The following TENM1 variants were observed in gnomAD, a reference collection of about 807,000 sequenced individuals.
TENM1 encodes teneurin transmembrane protein 1.
A neutral mutation model predicts 174.8 loss-of-function variants in TENM1; 35 were observed. The observed-to-expected ratio is 0.20, with a 90% confidence interval of 0.15 to 0.27. The LOEUF (loss-of-function observed/expected upper bound fraction) is 0.27, where lower values mean the gene tolerates loss of function less well. Among genes scored for constraint, TENM1 ranks in the 10% least tolerant of loss-of-function variants. TENM1 has a pLI of 1.00. For missense variants in TENM1, 1,633 were observed against 2,130.1 expected (o/e 0.77, Z 4.59); for synonymous variants, 781 against 798.7 (o/e 0.98, Z 0.37).
At chrX:124,910,127 G>T (rs770261945) in intron 1 of TENM1, among the ~76,000 whole-genome samples, 1 of 112,129 alleles carries the variant, frequency 8.9e-6, no homozygotes, top group African/African-American at 3.2e-5. Flanking sequence ...TTAGATAAAG[G>T]CATGCTTCTC....
chrX:124,909,587 G>A (rs2057804242), intron 1 of TENM1, among the ~76,000 whole-genome samples: 1 of 111,967 alleles, frequency 8.9e-6, no homozygotes, highest in Non-Finnish European at 1.9e-5. Flanking sequence ...TCCTTTTGAA[G>A]TATTATTCCA....
At chrX:124,780,193 A>T (rs1429033046) in intron 3 of TENM1, among the ~76,000 whole-genome samples, 2 of 112,315 alleles carry the variant, frequency 1.8e-5, no homozygotes, top group African/African-American at 6.5e-5. Flanking sequence ...CTCCTTGCCC[A>T]AGCACTCATT....
chrX:125,157,729 AG>A, the TENM1 span, among the ~76,000 whole-genome samples: 1 of 112,266 alleles, frequency 8.9e-6, no homozygotes, highest in Non-Finnish European at 1.9e-5. Flanking sequence ...GGTATAAAAA[AG>A]CATTCCTATT....
chrX:124,865,364 C>T (rs2056983171), intron 3 of TENM1, among the ~76,000 whole-genome samples: 1 of 111,455 alleles, frequency 9.0e-6, no homozygotes, highest in Non-Finnish European at 1.9e-5. Context: ...AGTTAAAAAG[C>T]AGAGGAACAA....
At chrX:124,788,032 A>C (rs1020464058) in intron 3 of TENM1, among the ~76,000 whole-genome samples, 1 of 110,906 alleles carries the variant, frequency 9.0e-6, no homozygotes, top group East Asian at 2.9e-4. Context: ...GTGCGGGGCA[A>C]CTCCCGTTTT....
At chrX:124,965,496 G>A (rs1489021643), upstream of TENM1, among the ~76,000 whole-genome samples, 1 of 111,893 alleles carries the variant, frequency 8.9e-6, no homozygotes, top group East Asian at 2.8e-4. Context: ...CTAATCAAAT[G>A]TGAAGGTCTT....
At chrX:124,868,854 C>T (rs1440159306) in intron 3 of TENM1, among the ~76,000 whole-genome samples, 1 of 110,953 alleles carries the variant, frequency 9.0e-6, no homozygotes, top group Non-Finnish European at 1.9e-5. Flanking sequence ...CCCAGACATA[C>T]AAATGGCAAG....
At chrX:124,771,750 TAA>T (rs2054658645) in intron 3 of TENM1, among the ~76,000 whole-genome samples, 1 of 111,891 alleles carries the variant, frequency 8.9e-6, no homozygotes, top group Non-Finnish European at 1.9e-5. Context: ...TAAGAAAAGA[TAA>T]AATTCAAAGG....
At chrX:124,648,600 G>T (rs2051218337) in intron 8 of TENM1, among the ~76,000 whole-genome samples, 1 of 111,823 alleles carries the variant, frequency 8.9e-6, no homozygotes, top group African/African-American at 3.3e-5. Context: ...GTTATGAAAA[G>T]GCATAAAGAG....
chrX:124,383,854 G>T (rs759628613), exon 30 of TENM1: 1 of 1,210,888 alleles, frequency 8.3e-7, no homozygotes, highest in South Asian at 1.8e-5. Context: ...TGACCTGAAA[G>T]TCAGGGTAAG....
chrX:124,896,318 A>T (rs1431654139), intron 1 of TENM1, 77 bp from the exon 5 acceptor site: 4 of 1,041,506 alleles, frequency 3.8e-6, no homozygotes, highest in Non-Finnish European at 5.2e-6. Context: ...TTTTGTTCTC[A>T]TTCCCCTCTC....
chrX:125,116,126 C>T, the TENM1 span, among the ~76,000 whole-genome samples: 18,304 of 110,785 alleles, frequency 0.17, 1,778 homozygotes, highest in African/African-American at 0.37. Context: ...ACAAACCTGA[C>T]GAAAGCAATG....
intron 3 of TENM1, among the ~76,000 whole-genome samples, chrX:124,773,635 G>C (rs772745977): frequency 9.0e-6 from 1 of 111,156 alleles, no homozygotes; most frequent in Non-Finnish European, 1.9e-5. Context: ...TTAAGGCTAA[G>C]GTTGTCGAAT....
intron 4 of TENM1, among the ~76,000 whole-genome samples, chrX:124,711,049 A>G (rs1312562144): frequency 8.9e-6 from 1 of 112,071 alleles, no homozygotes; most frequent in African/African-American, 3.2e-5. Flanking sequence ...ATTTCATACA[A>G]TTGGGTTTTT....
At chrX:124,986,481 C>T in the TENM1 span, among the ~76,000 whole-genome samples, 2 of 112,056 alleles carry the variant, frequency 1.8e-5, no homozygotes, top group Non-Finnish European at 3.8e-5. Flanking sequence ...CCTCTGAATA[C>T]AGCACAATGT....
At chrX:125,023,618 T>TA in the TENM1 span, among the ~76,000 whole-genome samples, 2,440 of 100,644 alleles carry the variant, frequency 0.024, 86 homozygotes, top group African/African-American at 0.079. Context: ...AGAAGAATCT[T>TA]AAAAAAAAAA....
rs188085164 is a variant in TENM1 at position 124,657,371 on chromosome X, A to C, written c.1169-3588T>G. On this transcript the variant is annotated intron_variant, in intron 6 of 31. Transcript: ENST00000422452. Reference sequence around the variant, plus strand: ...GCTGAGCAGGAAAAACCAATGGTAGACAGGCTGTGTTGAAAGAGGGCACAC... The same window carrying C: ...GCTGAGCAGGAAAAACCAATGGTAGCCAGGCTGTGTTGAAAGAGGGCACAC... Among the ~76,000 whole-genome samples the C allele has an allele frequency of 7.8e-3, 869 of 111,330 alleles. 10 individuals are homozygous for C. The highest frequency in any genetic ancestry group is 0.027 in the African/African-American group (811 of 30,592).
At chrX:124,429,884 TCC>T (rs2060758570) in intron 23 of TENM1, among the ~76,000 whole-genome samples, 1 of 111,891 alleles carries the variant, frequency 8.9e-6, no homozygotes, top group African/African-American at 3.2e-5. Context: ...TTGCAAAATG[TCC>T]CTTGAGGGGC....
At chrX:124,644,491 G>A (rs906074832) in intron 10 of TENM1, among the ~76,000 whole-genome samples, 3 of 109,713 alleles carry the variant, frequency 2.7e-5, no homozygotes, top group Admixed American at 2.0e-4. Context: ...CATGAAAAAC[G>A]TCTGATTACT....
Sources: allele counts gnomAD v4.1 joint callset (sites outside exome capture counted in the v4.1 genomes callset), GRCh38; gene constraint gnomAD v4.1.1; transcripts MANE v1.5; gene names NCBI Gene and HGNC (gene_info 2026-07-23, HGNC 2026-07-21).